AKNA: variants seen among roughly 807,000 people sequenced by gnomAD.
AKNA encodes AT-hook transcription factor.
In AKNA, 67 loss-of-function variants were observed where a neutral mutation model predicts 138.8. The observed-to-expected ratio is 0.48, with a 90% CI of 0.40 to 0.59. The LOEUF is 0.59. Among genes scored for constraint, AKNA ranks in the 20% least tolerant of loss-of-function variants. AKNA has a pLI of 0.00. For synonymous variants in AKNA, 737 were observed against 754.4 expected (o/e 0.98, Z 0.38); for missense variants, 1,813 against 1,880.4 (o/e 0.96, Z 0.66).
intron 8 of AKNA, among the ~76,000 whole-genome samples, 188 bp downstream of exon 8, chr9:114,362,218 G>A (rs1422920261): frequency 6.6e-6 from 1 of 152,156 alleles, no homozygotes; most frequent in Non-Finnish European, 1.5e-5. Context: ...CTCAGCACGT[G>A]GGTCCAAAGG....
In AKNA at chr9:114,377,092, G is replaced by A; in HGVS notation, c.715C>T (p.Pro239Ser). ...TCTGGGCTTAGGAGGTGGTGGCTGGGGCCCTCTGGCAAGGTTTCTGCCAGG... is the reference window on the plus strand; with the variant it reads ...TCTGGGCTTAGGAGGTGGTGGCTGGAGCCCTCTGGCAAGGTTTCTGCCAGG... ...TALAETLPEG[P>S]SHHLLSPDGR... The change falls in exon 3 of 22, where the codon CCC becomes TCC. Residue 239 changes from proline (P) to serine (S), a missense_variant. Pro to Ser is a moderately conservative substitution (Grantham distance 74). Coordinates refer to ENST00000374088, the MANE Select transcript of AKNA (RefSeq NM_001317950.2). 1 of 1,614,122 alleles carries A rather than the reference G, an allele frequency of 6.2e-7. No homozygotes were observed.
At chr9:114,394,230 T>A (rs1362676578) in intron 1 of AKNA, 1 of 152,102 alleles carries the variant, frequency 6.6e-6, no homozygotes, top group African/African-American at 2.4e-5. Flanking sequence ...TATAGGCAAG[T>A]TTTTTTGATA....
chr9:114,393,913 C>T (rs1286308568), intron 1 of AKNA, among the ~76,000 whole-genome samples: 1 of 152,152 alleles, frequency 6.6e-6, no homozygotes, highest in Non-Finnish European at 1.5e-5. Flanking sequence ...TGGCTCACAC[C>T]TGTAATCCCA....
chr9:114,363,483 C>T (rs1832118891), intron 7 of AKNA, among the ~76,000 whole-genome samples: 1 of 152,178 alleles, frequency 6.6e-6, no homozygotes, highest in South Asian at 2.1e-4. Flanking sequence ...TTATAAGGTC[C>T]TTGGTCATCC....
At chr9:114,386,950 C>A (rs560984552) in intron 1 of AKNA, among the ~76,000 whole-genome samples, 1 of 152,166 alleles carries the variant, frequency 6.6e-6, no homozygotes. Flanking sequence ...CAGGGTGCCA[C>A]CCTGCTTCTA....
rs367771611 is a variant in AKNA at position 114,357,912 on chromosome 9, G to A, written c.2739+9C>T. 21 of 1,595,486 alleles carry A rather than the reference G, an allele frequency of 1.3e-5. No homozygotes were observed. In the African/African-American group the frequency reaches 2.9e-4, roughly 22 times the overall value. ...GGTTCTGGGCCCATTCCCCCATGTGGAGACTTACCTCCAGGTGGGGCCCAC... is the reference window on the plus strand; with the variant it reads ...GGTTCTGGGCCCATTCCCCCATGTGAAGACTTACCTCCAGGTGGGGCCCAC... On this transcript the variant is annotated intron_variant, in intron 12 of 21. Coordinates refer to ENST00000374088, the MANE Select transcript of AKNA (RefSeq NM_001317950.2).
downstream of AKNA, chr9:114,331,584 G>T (rs751600158): frequency 2.4e-5 from 38 of 1,613,874 alleles, no homozygotes; most frequent in East Asian, 4.5e-5. Context: ...CCGAGAACAT[G>T]TTGCTCACCT....
chr9:114,369,695 T>C (rs535424147), intron 4 of AKNA, among the ~76,000 whole-genome samples: 1 of 150,360 alleles, frequency 6.7e-6, no homozygotes, highest in Non-Finnish European at 1.5e-5. Flanking sequence ...ACCATCAGCA[T>C]CATCACCATC....
upstream of AKNA, among the ~76,000 whole-genome samples, chr9:114,390,326 G>A (rs977276352): frequency 6.6e-6 from 1 of 151,978 alleles, no homozygotes; most frequent in Non-Finnish European, 1.5e-5. Context: ...GCATGTCTAA[G>A]ACTGAGCTCC....
rs769383247 is a variant in AKNA at position 114,381,234 on chromosome 9, C to G, written c.100G>C (p.Asp34His). ...TCCCAGCTTTGTGAACTACTTCTAT[C>G]CACATCCCTCTTGTCCTCGGCCCAG... The part of the protein sequence containing the change: ...WAWAEDKRDV[D>H]RSSSQSWEEE... The change falls in exon 2 of 22, where the codon GAT becomes CAT. Residue 34 changes from aspartate to histidine, a missense_variant. Physicochemically the swap from Asp to His is moderately conservative, Grantham distance 81. Coordinates refer to ENST00000374088, the MANE Select transcript of AKNA (RefSeq NM_001317950.2). 1 of 1,614,172 alleles carries G rather than the reference C, an allele frequency of 6.2e-7. No homozygotes were observed. The highest frequency in any genetic ancestry group is 8.5e-7 in the Non-Finnish European group (1 of 1,180,016).
At chr9:114,372,597 C>T (rs926990837) in intron 4 of AKNA, among the ~76,000 whole-genome samples, 1 of 152,170 alleles carries the variant, frequency 6.6e-6, no homozygotes, top group South Asian at 2.1e-4. Context: ...ACGCCTCCAG[C>T]CCCCGCCACT....
At chr9:114,351,504 C>T (rs944957314) in intron 14 of AKNA, among the ~76,000 whole-genome samples, 4 of 152,038 alleles carry the variant, frequency 2.6e-5, no homozygotes, top group African/African-American at 4.8e-5. Flanking sequence ...ACCACTAATC[C>T]GTCCCCTGCA....
At chr9:114,337,842 T>C (rs1238674572) in intron 21 of AKNA, among the ~76,000 whole-genome samples, 1 of 152,168 alleles carries the variant, frequency 6.6e-6, no homozygotes, top group Non-Finnish European at 1.5e-5. Context: ...TCTGGCCCCA[T>C]GTCCTGGGAA....
chr9:114,332,400 A>C (rs1239220976), downstream of AKNA, among the ~76,000 whole-genome samples: 3 of 152,100 alleles, frequency 2.0e-5, no homozygotes, highest in Non-Finnish European at 4.4e-5. Flanking sequence ...TTACTGTATA[A>C]TGAGCTCCTT....
intron 6 of AKNA, 54 bp from the exon 7 acceptor site, chr9:114,364,673 C>T (rs935566869): frequency 6.4e-7 from 1 of 1,569,954 alleles, no homozygotes; most frequent in African/African-American, 1.3e-5. Flanking sequence ...CCTGTAGACT[C>T]CCACACCCAG....
chr9:114,380,165 A>G (rs1420472868), intron 2 of AKNA, among the ~76,000 whole-genome samples: 2 of 152,142 alleles, frequency 1.3e-5, no homozygotes, highest in South Asian at 2.1e-4. Context: ...AAAAAAAAAA[A>G]TAAAGTCAAA....
intron 18 of AKNA, chr9:114,344,733 G>T: frequency 6.5e-6 from 1 of 154,350 alleles, no homozygotes; most frequent in South Asian, 2.0e-4. Context: ...ACTATTAAGG[G>T]TTAAGATCAC....
At chr9:114,387,413 T>C (rs1479350067) in intron 1 of AKNA, among the ~76,000 whole-genome samples, 1 of 152,194 alleles carries the variant, frequency 6.6e-6, no homozygotes, top group Non-Finnish European at 1.5e-5. Context: ...CGGACTGTCC[T>C]TGGCTCCTCT....
Position 114,364,577 on chromosome 9 carries a change from G to T in AKNA, c.1771C>A (p.Pro591Thr), listed in dbSNP as rs1419406593. 6.2e-7 allele frequency: 1 copy of T among 1,613,916 alleles called. No homozygotes were observed. The highest frequency in any genetic ancestry group is 8.5e-7 in the Non-Finnish European group (1 of 1,180,034). The change falls in exon 7 of 22, where the codon CCC becomes ACC. Residue 591 changes from proline (P) to threonine (T), a missense_variant. Physicochemically the swap from Pro to Thr is conservative, Grantham distance 38. Transcript: ENST00000374088. ...ERLIQAGRLMPQDQVKGFQRL... is the reference protein window; with the variant it reads ...ERLIQAGRLMTQDQVKGFQRL... The stretch of plus-strand genomic sequence containing the variant: ...GGCAGTACCTTGACTTGGTCCTGGG[G>T]CATGAGACGTCCTGCCTGTATCAGT...
Sources: allele counts gnomAD v4.1 joint callset (sites outside exome capture counted in the v4.1 genomes callset), GRCh38; gene constraint gnomAD v4.1.1; transcripts MANE v1.5; gene names NCBI Gene and HGNC (gene_info 2026-07-23, HGNC 2026-07-21).